Variants in CACNA2D3 observed in about 807,000 individuals in gnomAD.
CACNA2D3 encodes the protein calcium voltage-gated channel auxiliary subunit alpha2delta 3.
Under a neutral mutation model 160.6 loss-of-function variants are expected in CACNA2D3, and 60 were observed. The observed-to-expected ratio is 0.37, with a 90% CI of 0.30 to 0.46. The LOEUF (loss-of-function observed/expected upper bound fraction) is 0.46, where lower values mean the gene tolerates loss of function less well. Among genes scored for constraint, CACNA2D3 ranks in the 20% least tolerant of loss-of-function variants. The pLI, the probability that CACNA2D3 is intolerant of heterozygous loss-of-function variation, is 1.00. For missense variants in CACNA2D3, 1,205 were observed against 1,365.0 expected (o/e 0.88, Z 1.85); for synonymous variants, 558 against 492.9 (o/e 1.13, Z -1.75).
chr3:54,888,790 C>G (rs1283964885), intron 24 of CACNA2D3, among the ~76,000 whole-genome samples: 2 of 152,206 alleles, frequency 1.3e-5, no homozygotes, highest in Non-Finnish European at 2.9e-5. Context: ...TCCTGACATT[C>G]ATTCTGTTCT....
At chr3:54,615,858 T>G (rs972952652) in intron 9 of CACNA2D3, among the ~76,000 whole-genome samples, 13 of 152,288 alleles carry the variant, frequency 8.5e-5, no homozygotes, top group Admixed American at 7.8e-4. Flanking sequence ...CATTACCACC[T>G]GAGCTCTACC....
At chr3:54,467,970 A>G (rs552226899) in intron 4 of CACNA2D3, among the ~76,000 whole-genome samples, 1 of 152,340 alleles carries the variant, frequency 6.6e-6, no homozygotes, top group East Asian at 1.9e-4. Context: ...ATGTGTCAAA[A>G]CATCACATCA....
chr3:54,423,633 T>G (rs1699870198), intron 4 of CACNA2D3, among the ~76,000 whole-genome samples: 1 of 152,210 alleles, frequency 6.6e-6, no homozygotes, highest in African/African-American at 2.4e-5. Context: ...GCCCCTGGCT[T>G]CTGATTCTGG....
chr3:54,777,931 T>A (rs1702454651), intron 13 of CACNA2D3, among the ~76,000 whole-genome samples: 1 of 152,210 alleles, frequency 6.6e-6, no homozygotes, highest in Non-Finnish European at 1.5e-5. Context: ...ATAATTGAGC[T>A]ATTTTAATTG....
intron 14 of CACNA2D3, among the ~76,000 whole-genome samples, chr3:54,819,384 G>C (rs1043256338): frequency 3.3e-5 from 5 of 152,154 alleles, no homozygotes; most frequent in Admixed American, 1.3e-4. Flanking sequence ...TTACGACTTG[G>C]CTTGACTTGA....
At position 54,442,629 on chromosome 3, in the gene CACNA2D3, T is replaced by C. The variant is rs116116523; in HGVS notation, c.381+55855T>C. Among the ~76,000 whole-genome samples the C allele has an allele frequency of 4.5e-3, 683 of 152,336 alleles. 9 individuals are homozygous for C. The highest frequency in any genetic ancestry group is 0.015 in the African/African-American group (634 of 41,584). ...TGAACGCGCCGTCAATGGGCTGATATTCATGTAGCAGCATCAAATCTTTAG... is the reference window on the plus strand; with the variant it reads ...TGAACGCGCCGTCAATGGGCTGATACTCATGTAGCAGCATCAAATCTTTAG... On this transcript the variant is annotated intron_variant, in intron 4 of 37. Coordinates refer to ENST00000474759, the MANE Select transcript of CACNA2D3 (RefSeq NM_018398.3).
intron 13 of CACNA2D3, among the ~76,000 whole-genome samples, chr3:54,781,060 A>G (rs1463666524): frequency 6.6e-6 from 1 of 152,236 alleles, no homozygotes; most frequent in Non-Finnish European, 1.5e-5. Flanking sequence ...TTTGTTAAAC[A>G]TAAGTTATTT....
rs188642036 is a variant in CACNA2D3 at position 54,813,847 on chromosome 3, A to C, written c.1381-3006A>C. Among the ~76,000 whole-genome samples the C allele has an allele frequency of 2.8e-3, 408 of 147,622 alleles. 2 individuals are homozygous for C. Among genetic ancestry groups the C allele is most frequent in the Admixed American group, 4.6e-3 (68 of 14,828 alleles). ...TTTCTTATTTATAACAAATTCTGCTATTTGGTTATAATATTCTTTTTTTTT... is the reference window on the plus strand; with the variant it reads ...TTTCTTATTTATAACAAATTCTGCTCTTTGGTTATAATATTCTTTTTTTTT... On this transcript the variant is annotated intron_variant, in intron 13 of 37. Coordinates refer to ENST00000474759, the MANE Select transcript of CACNA2D3 (RefSeq NM_018398.3).
chr3:54,918,238 A>G (rs879835227), intron 27 of CACNA2D3: 1 of 513,536 alleles, frequency 1.9e-6, no homozygotes, highest in Non-Finnish European at 3.4e-6. Flanking sequence ...GGCCCAGAGC[A>G]CAAGTATCAT....
chr3:54,786,644 A>T (rs901035778), intron 13 of CACNA2D3, among the ~76,000 whole-genome samples: 1 of 152,226 alleles, frequency 6.6e-6, no homozygotes, highest in Non-Finnish European at 1.5e-5. Flanking sequence ...CTATATTATT[A>T]GTCCTGATAA....
intron 29 of CACNA2D3, among the ~76,000 whole-genome samples, chr3:54,972,672 T>C (rs577946680): frequency 1.3e-5 from 2 of 152,306 alleles, no homozygotes; most frequent in East Asian, 3.9e-4. Context: ...TCTCTGGGCC[T>C]TGGCAGGAGT....
chr3:54,804,395 G>A (rs964218531), intron 13 of CACNA2D3, among the ~76,000 whole-genome samples: 5 of 151,934 alleles, frequency 3.3e-5, no homozygotes, highest in African/African-American at 4.8e-5. Context: ...AAAAAGTCAG[G>A]GGTTGCAATC....
At chr3:54,757,133 A>G (rs1701986436) in intron 12 of CACNA2D3, among the ~76,000 whole-genome samples, 1 of 152,204 alleles carries the variant, frequency 6.6e-6, no homozygotes, top group South Asian at 2.1e-4. Context: ...CTTCTCTAAC[A>G]TTCAGTATGC....
chr3:54,934,618 C>T (rs573135534), intron 27 of CACNA2D3, among the ~76,000 whole-genome samples: 1 of 152,298 alleles, frequency 6.6e-6, no homozygotes, highest in South Asian at 2.1e-4. Context: ...TTCTTTTCAG[C>T]ATCCACGTGT....
At chr3:54,763,871 G>A (rs1198465144) in intron 12 of CACNA2D3, among the ~76,000 whole-genome samples, 12 of 32,520 alleles carry the variant, frequency 3.7e-4, no homozygotes, top group African/African-American at 1.2e-3. Flanking sequence ...ATATATATAC[G>A]TATATATATG....
intron 2 of CACNA2D3, among the ~76,000 whole-genome samples, chr3:54,243,101 C>T (rs1051699973): frequency 6.6e-6 from 1 of 152,146 alleles, no homozygotes; most frequent in African/African-American, 2.4e-5. Flanking sequence ...ACCATGTGTC[C>T]CTTGATTCCA....
chr3:54,281,453 AG>A (rs1702880492), intron 2 of CACNA2D3, among the ~76,000 whole-genome samples: 1 of 152,046 alleles, frequency 6.6e-6, no homozygotes, highest in Non-Finnish European at 1.5e-5. Context: ...GTGGATCATG[AG>A]GGGGAGGAAG....
chr3:54,994,582 C>G (rs1463867012), intron 31 of CACNA2D3, among the ~76,000 whole-genome samples: 1 of 152,200 alleles, frequency 6.6e-6, no homozygotes, highest in African/African-American at 2.4e-5. Flanking sequence ...ACAGCAATAA[C>G]AGTAACTGCC....
At chr3:54,222,386 A>G (rs1257723753) in intron 2 of CACNA2D3, among the ~76,000 whole-genome samples, 1 of 152,228 alleles carries the variant, frequency 6.6e-6, no homozygotes, top group Non-Finnish European at 1.5e-5. Context: ...TGAAGGCAGG[A>G]ATAAACCAAT....
Sources: gnomAD v4.1 joint callset for allele counts (sites outside exome capture counted in the v4.1 genomes callset) on GRCh38, gnomAD v4.1.1 for gene constraint, MANE v1.5 for transcripts, NCBI Gene and HGNC (gene_info 2026-07-23, HGNC 2026-07-21) for gene names.